The following ACTN1 variants were observed in gnomAD, a reference collection of about 807,000 sequenced individuals.
ACTN1 encodes the protein alpha-actinin-1.
A neutral mutation model predicts 119.6 loss-of-function variants in ACTN1; 30 were observed. The observed-to-expected ratio is 0.25, with a 90% CI of 0.19 to 0.34. The LOEUF (loss-of-function observed/expected upper bound fraction) is 0.34, where lower values mean the gene tolerates loss of function less well. Among genes scored for constraint, ACTN1 ranks in the 10% least tolerant of loss-of-function variants. The pLI, the probability that ACTN1 is intolerant of heterozygous loss-of-function variation, is 1.00. For synonymous variants in ACTN1, 429 were observed against 472.6 expected (o/e 0.91, Z 1.20); for missense variants, 764 against 1,223.4 (o/e 0.62, Z 5.60).
At chr14:68,967,624 T>C (rs2036748512) in intron 1 of ACTN1, among the ~76,000 whole-genome samples, 1 of 152,222 alleles carries the variant, frequency 6.6e-6, no homozygotes, top group East Asian at 1.9e-4. Flanking sequence ...GGCTGCCACA[T>C]ATCTGTCCTT....
intron 1 of ACTN1, chr14:68,936,561 A>C: frequency 4.3e-6 from 2 of 466,284 alleles, no homozygotes; most frequent in East Asian, 4.9e-5. Flanking sequence ...GGCGGGAGGA[A>C]CTGTTACGGG....
chr14:68,929,484 C>T (rs920333198), intron 1 of ACTN1, among the ~76,000 whole-genome samples: 3 of 152,286 alleles, frequency 2.0e-5, no homozygotes, highest in Admixed American at 2.0e-4. Flanking sequence ...GAAGCCCTGC[C>T]CTATCTGGCC....
intron 1 of ACTN1, chr14:68,978,582 G>T: frequency 3.4e-6 from 1 of 290,052 alleles, no homozygotes; most frequent in South Asian, 3.1e-5. Flanking sequence ...TCGATCCGGA[G>T]CAAGCAGCCC....
intron 1 of ACTN1, among the ~76,000 whole-genome samples, chr14:68,952,579 G>A (rs2036204681): frequency 6.6e-6 from 1 of 152,190 alleles, no homozygotes; most frequent in Admixed American, 6.5e-5. Context: ...ATGCCTAGTA[G>A]GGGAAAGCGG....
chr14:68,879,766 G>T lies in ACTN1; in HGVS notation c.2280+196C>A, dbSNP rs2031317856. ...TGAACACTCTCTCCCGGAAAGCAGG[G>T]AAGCTTATGGGGCACCAACACAGGT... is the stretch of plus-strand genomic sequence containing the variant. On this transcript the variant is annotated intron_variant, in intron 18 of 21. Transcript: ENST00000394419. The surrounding 1 kb of genome is among the most constrained non-coding windows in gnomAD (Gnocchi z 4.9). 4.6e-6 allele frequency: 3 copies of T among 653,546 alleles called. No individual in the cohort carries two copies. Among genetic ancestry groups the T allele is most frequent in the Non-Finnish European group, 7.6e-6 (3 of 395,870 alleles). 40.5% of individuals were successfully genotyped at this position (653,546 alleles called of 1,614,324 possible).
intron 1 of ACTN1, among the ~76,000 whole-genome samples, chr14:68,969,800 T>G (rs1246592537): frequency 6.6e-6 from 1 of 151,984 alleles, no homozygotes; most frequent in Non-Finnish European, 1.5e-5. Flanking sequence ...GTTGGACATC[T>G]CCACATCAGA....
At chr14:68,953,178 GCTCA>G (rs2036228904) in intron 1 of ACTN1, among the ~76,000 whole-genome samples, 1 of 152,144 alleles carries the variant, frequency 6.6e-6, no homozygotes, top group Non-Finnish European at 1.5e-5. Context: ...TTAACTCTGA[GCTCA>G]CTCACAGCTG....
intron 1 of ACTN1, among the ~76,000 whole-genome samples, chr14:68,936,092 G>A (rs2035491434): frequency 6.6e-6 from 1 of 150,620 alleles, no homozygotes; most frequent in Non-Finnish European, 1.5e-5. Context: ...TTGCAGGCTG[G>A]AGCCCAGAAA....
chr14:68,952,393 A>G (rs1354677572), intron 1 of ACTN1, among the ~76,000 whole-genome samples: 1 of 152,232 alleles, frequency 6.6e-6, no homozygotes, highest in African/African-American at 2.4e-5. Flanking sequence ...CAAAGAATAC[A>G]GCTTCAGCCT....
intron 8 of ACTN1, among the ~76,000 whole-genome samples, chr14:68,901,376 T>C (rs1006510127): frequency 6.6e-6 from 1 of 151,128 alleles, no homozygotes; most frequent in African/African-American, 2.4e-5. Flanking sequence ...GCCTCCTGAA[T>C]AGCTGGGATT....
intron 1 of ACTN1, among the ~76,000 whole-genome samples, chr14:68,945,800 C>G (rs1162697817): frequency 6.6e-6 from 1 of 152,174 alleles, no homozygotes; most frequent in Admixed American, 6.5e-5. Flanking sequence ...GCTCGCTGTT[C>G]ACAGCAGTCC....
At position 68,924,405 on chromosome 14, in the gene ACTN1, C is replaced by A. The variant is rs1237036136; in HGVS notation, c.220+1153G>T. Among the ~76,000 whole-genome samples the A allele has an allele frequency of 3.9e-5, 6 of 152,248 alleles. No homozygotes were observed. In the East Asian group the frequency reaches 1.2e-3, roughly 29 times the overall value. On this transcript the variant is annotated intron_variant, in intron 2 of 21. Transcript: ENST00000394419. Reference sequence around the variant, plus strand: ...AGTGCATGTCATCTGGGGAGAGCTGCACGTTCCCCCTGCCCCCACCCCACA... The same window carrying A: ...AGTGCATGTCATCTGGGGAGAGCTGAACGTTCCCCCTGCCCCCACCCCACA...
Position 68,936,781 on chromosome 14 carries a change from G to A in ACTN1, c.106-11109C>T, listed in dbSNP as rs943155205. 7 of 611,814 alleles carry A rather than the reference G, an allele frequency of 1.1e-5. No homozygotes were observed. The African/African-American group carries it at 1.3e-4, about 11-fold the overall frequency. The allele number at this position is 611,814 out of a possible 1,614,324, so 37.9% of individuals were successfully genotyped here. Reference sequence around the variant, plus strand: ...AAAACTGAAGACCTCTTCCAGGAATGGCTGAAGGACACTTGTGGTGCCAAC... The same window carrying A: ...AAAACTGAAGACCTCTTCCAGGAATAGCTGAAGGACACTTGTGGTGCCAAC... On this transcript the variant is annotated intron_variant, in intron 1 of 21. Transcript: ENST00000394419.
At position 68,874,752 on chromosome 14, in the gene ACTN1, C is replaced by A. The variant is rs2030644077; in HGVS notation, c.*107G>T. On this transcript the variant is annotated 3_prime_UTR_variant, in exon 22 of 22. Coordinates refer to ENST00000394419, the MANE Select transcript of ACTN1 (RefSeq NM_001130004.2). ...CGATGCCACGTGGGCCCCAGCTCAC[C>A]CGGGTGGAGGCTGGGAGCTGAAACC... is the stretch of plus-strand genomic sequence containing the variant. 2 of 1,205,904 alleles carry A rather than the reference C, an allele frequency of 1.7e-6. No individual in the cohort carries two copies. 74.7% of individuals were successfully genotyped at this position (1,205,904 alleles called of 1,614,324 possible). A position where few individuals can be genotyped will look rare whatever the true frequency, so the allele number is the denominator to read the frequency against.
rs1490215625 is a variant in ACTN1, at chr14:68,882,116, A to G, written c.1953+342T>C. 6.6e-6 allele frequency among the ~76,000 whole-genome samples: 1 copy of G among 151,588 alleles called. No homozygotes were observed. Among genetic ancestry groups the G allele is most frequent in the Non-Finnish European group, 1.5e-5 (1 of 67,920 alleles). ...ACACCCGGCTGATTTTTGTATTTTT[A>G]GTAGAGACGGGGTTTCACCATGTTG... On this transcript the variant is annotated intron_variant, in intron 16 of 21. Transcript: ENST00000394419. The surrounding 1 kb of genome is among the most constrained non-coding windows in gnomAD (Gnocchi z 4.5).
chr14:68,917,175 C>T (rs539495409), intron 3 of ACTN1, among the ~76,000 whole-genome samples: 2 of 152,336 alleles, frequency 1.3e-5, no homozygotes, highest in African/African-American at 2.4e-5. Flanking sequence ...AACCAAATAT[C>T]GTAGGGGAGA....
rs949275418 is a variant in ACTN1, at chr14:68,882,643, A to G, written c.1819-51T>C. Reference sequence around the variant, plus strand: ...TTCAGGATGGGTCAGCCATCTGTCCATGTGCCAGATGAGGAAATGGAGGAC... The same window carrying G: ...TTCAGGATGGGTCAGCCATCTGTCCGTGTGCCAGATGAGGAAATGGAGGAC... On this transcript the variant is annotated intron_variant, in intron 15 of 21. Coordinates refer to ENST00000394419, the MANE Select transcript of ACTN1 (RefSeq NM_001130004.2). The surrounding 1 kb of genome is among the most constrained non-coding windows in gnomAD (Gnocchi z 4.5). 12 of 1,606,650 alleles carry G rather than the reference A, an allele frequency of 7.5e-6. No homozygotes were observed. The highest frequency in any genetic ancestry group is 1.0e-5 in the Non-Finnish European group (12 of 1,174,928).
rs41286544 is a variant in ACTN1 at position 68,879,945 on chromosome 14, C to A, written c.2280+17G>T. 40,420 of 1,612,842 alleles carry A rather than the reference C, an allele frequency of 0.025. 587 individuals carry two copies. The highest frequency in any genetic ancestry group is 0.069 in the Middle Eastern group (421 of 6,058). On this transcript the variant is annotated intron_variant, in intron 18 of 21. Coordinates refer to ENST00000394419, the MANE Select transcript of ACTN1 (RefSeq NM_001130004.2). The surrounding 1 kb of genome is among the most constrained non-coding windows in gnomAD (Gnocchi z 4.9). ...GGTTGGGGGCTGCACTAAGAAAGCA[C>A]AGGATGGGGCTCTCACCCGGTCAAA... is the stretch of plus-strand genomic sequence containing the variant.
chr14:68,945,674 G>C (rs944380853), intron 1 of ACTN1, among the ~76,000 whole-genome samples: 1 of 152,156 alleles, frequency 6.6e-6, no homozygotes, highest in Non-Finnish European at 1.5e-5. Context: ...GGAGAGACGG[G>C]GAGGAGGGGC....
Sources: allele counts gnomAD v4.1 joint callset (sites outside exome capture counted in the v4.1 genomes callset), GRCh38; gene constraint gnomAD v4.1.1; non-coding constraint Gnocchi (gnomAD v3.1); transcripts MANE v1.5; gene names NCBI Gene and HGNC (gene_info 2026-07-23, HGNC 2026-07-21).